The following GLE1 variants were observed in gnomAD, a reference collection of about 807,000 sequenced individuals.
The protein encoded by GLE1 is mRNA export factor GLE1.
Under a neutral mutation model 97.3 loss-of-function variants are expected in GLE1, and 78 were observed. The observed-to-expected ratio is 0.80, with a 90% CI of 0.67 to 0.97. The LOEUF (loss-of-function observed/expected upper bound fraction) is 0.97. Among genes scored for constraint, GLE1 ranks in the 50% least tolerant of loss-of-function variants. The pLI, the probability that GLE1 is intolerant of heterozygous loss-of-function variation, is 0.00. For synonymous variants in GLE1, 302 were observed against 313.4 expected (o/e 0.96, Z 0.39); for missense variants, 753 against 857.5 (o/e 0.88, Z 1.52).
At position 128,540,307 on chromosome 9, in the gene GLE1, G is replaced by C; in HGVS notation, c.1997G>C (p.Gly666Ala). Residue 666 changes from glycine to alanine, a missense_variant, in exon 15 of 16, where the codon GGC becomes GCC. Gly to Ala is a moderately conservative substitution (Grantham distance 60). Transcript: ENST00000309971. ...GCTATCACAAGCTCAGGACAGATGG[G>C]CTCCTTCATACGCCTCAAGCAGTTC... ...IEAITSSGQM[G>A]SFIRLKQFLE... 1 of 1,610,498 alleles carries C rather than the reference G, an allele frequency of 6.2e-7. No individual in the cohort carries two copies. Among genetic ancestry groups the C allele is most frequent in the Non-Finnish European group, 8.5e-7 (1 of 1,176,738 alleles).
At chr9:128,508,035 C>A (rs867667742) in intron 1 of GLE1, among the ~76,000 whole-genome samples, 3 of 151,898 alleles carry the variant, frequency 2.0e-5, no homozygotes, top group Non-Finnish European at 2.9e-5. Flanking sequence ...ACAAAATTAG[C>A]CAGGCATGGT....
chr9:128,540,235 A>C (rs751979858), intron 14 of GLE1, 40 bp from the exon 15 acceptor site: 1 of 1,326,414 alleles, frequency 7.5e-7, no homozygotes, highest in Non-Finnish European at 1.1e-6. Flanking sequence ...AGATAGGTGT[A>C]TATCATAGGT....
rs754630031 is a variant in GLE1, at chr9:128,509,101, A to C, written c.321+4A>C. 6 of 1,561,902 alleles carry C rather than the reference A, an allele frequency of 3.8e-6. No homozygotes were observed. The highest frequency in any genetic ancestry group is 5.3e-6 in the Non-Finnish European group (6 of 1,132,310). ...TGCAACACCAAATGGAACCAAGGTA[A>C]GGTTGTGATCAGCTTAAGACAAAAG... On this transcript the variant is annotated splice_donor_region_variant and intron_variant, in intron 2 of 15. Transcript: ENST00000309971.
chr9:128,533,881 A>C lies in GLE1; in HGVS notation c.1576A>C (p.Lys526Gln). 6.2e-7 allele frequency: 1 copy of C among 1,613,232 alleles called. No individual in the cohort carries two copies. Among genetic ancestry groups the C allele is most frequent in the South Asian group, 1.1e-5 (1 of 91,062 alleles). ...VGDLILAHLH[K>Q]KCPYSVPFYP... ...GGACCTCATTCTTGCTCATCTACATAAGAAGTGTCCTTACTCTGTTCCTTT... is the reference window on the plus strand; with the variant it reads ...GGACCTCATTCTTGCTCATCTACATCAGAAGTGTCCTTACTCTGTTCCTTT... The change falls in exon 11 of 16, where the codon AAG (lysine) becomes CAG (glutamine). Residue 526 changes from lysine to glutamine, a missense_variant. By Grantham distance (53) the Lys-to-Gln change is moderately conservative (BLOSUM62 1). Coordinates refer to ENST00000309971, the MANE Select transcript of GLE1 (RefSeq NM_001003722.2).
At chr9:128,510,865 AT>A (rs911997514) in intron 2 of GLE1, among the ~76,000 whole-genome samples, 2 of 136,632 alleles carry the variant, frequency 1.5e-5, no homozygotes, top group African/African-American at 2.7e-5. Flanking sequence ...CATAGAAAGT[AT>A]TTTTTTTCTA....
chr9:128,507,613 C>T (rs1846678044), intron 1 of GLE1, among the ~76,000 whole-genome samples: 1 of 147,782 alleles, frequency 6.8e-6, no homozygotes, highest in South Asian at 2.1e-4. Flanking sequence ...AATAGTCGGG[C>T]GTGGTGGCTC....
At chr9:128,525,053 C>A in intron 6 of GLE1, 139 bp from the exon 7 acceptor site, 1 of 717,282 alleles carries the variant, frequency 1.4e-6, no homozygotes, top group Non-Finnish European at 2.5e-6. Flanking sequence ...TTTAAGAGAA[C>A]AGGGAAAGAA....
intron 11 of GLE1, among the ~76,000 whole-genome samples, chr9:128,534,826 A>C (rs931500023): frequency 1.3e-4 from 20 of 151,340 alleles, no homozygotes; most frequent in African/African-American, 4.6e-4. Flanking sequence ...TCAAGTGATT[A>C]TCCTGCCTCA....
At chr9:128,540,734 C>G (rs890109416) in intron 15 of GLE1, 2 of 359,354 alleles carry the variant, frequency 5.6e-6, no homozygotes, top group Non-Finnish European at 1.0e-5. Flanking sequence ...TTCCAAGTGC[C>G]AAGAGATTGT....
chr9:128,529,845 CG>C (rs1418474881), intron 9 of GLE1, among the ~76,000 whole-genome samples: 1 of 151,486 alleles, frequency 6.6e-6, no homozygotes, highest in East Asian at 1.9e-4. Flanking sequence ...GGCACTATAT[CG>C]GCTCAGTGCA....
chr9:128,505,505 C>G (rs117607046), intron 1 of GLE1, among the ~76,000 whole-genome samples: 6 of 152,270 alleles, frequency 3.9e-5, no homozygotes, highest in African/African-American at 1.4e-4. Context: ...AAGTATTTCC[C>G]TGTCTTTTAT....
chr9:128,532,152 A>G (rs1847533111), intron 9 of GLE1, among the ~76,000 whole-genome samples: 1 of 148,156 alleles, frequency 6.7e-6, no homozygotes, highest in Admixed American at 6.7e-5. Flanking sequence ...ATGCTGTATT[A>G]ATTAAAACAT....
Position 128,527,852 on chromosome 9 carries a change from TACTC to T in GLE1, c.1312+329_1312+332del, listed in dbSNP as rs200413725. On this transcript the variant is annotated intron_variant, in intron 9 of 15. Coordinates refer to ENST00000309971, the MANE Select transcript of GLE1 (RefSeq NM_001003722.2). ...GGTGGCTCTCACCTATAATGCCAGTTACTCAGGAGGCTGAGGCAGGACAATTGCT... is the reference window on the plus strand; with the variant it reads ...GGTGGCTCTCACCTATAATGCCAGTTAGGAGGCTGAGGCAGGACAATTGCT... Among the ~76,000 whole-genome samples, 1,393 of 151,732 alleles carry T rather than the reference TACTC, an allele frequency of 9.2e-3. 65 individuals carry two copies. In the East Asian group the frequency reaches 0.15, roughly 16 times the overall value.
At chr9:128,518,816 C>G (rs1200150939) in intron 3 of GLE1, among the ~76,000 whole-genome samples, 1 of 145,998 alleles carries the variant, frequency 6.8e-6, no homozygotes, top group East Asian at 2.0e-4. Context: ...TGCAGTGAGC[C>G]AAGATTGCAC....
chr9:128,520,382 ATGTGTATATATGTATG>A (rs1564148334), intron 3 of GLE1, among the ~76,000 whole-genome samples: 1 of 148,316 alleles, frequency 6.7e-6, no homozygotes, highest in Non-Finnish European at 1.5e-5. Flanking sequence ...ATATATGTAT[ATGTGTATATATGTATG>A]TGTGTATATA....
At chr9:128,514,567 C>T (rs1445188218) in intron 2 of GLE1, among the ~76,000 whole-genome samples, 6 of 151,762 alleles carry the variant, frequency 4.0e-5, no homozygotes, top group Admixed American at 3.9e-4. Flanking sequence ...CTCAGCCTCC[C>T]GAGTAGCTGG....
intron 9 of GLE1, 151 bp downstream of exon 9, chr9:128,527,676 T>G: frequency 1.4e-6 from 1 of 693,132 alleles, no homozygotes; most frequent in Non-Finnish European, 2.6e-6. Flanking sequence ...ACATCTTGTT[T>G]CCCTGATATA....
chr9:128,530,126 G>A (rs901989096), intron 9 of GLE1, among the ~76,000 whole-genome samples: 5 of 152,036 alleles, frequency 3.3e-5, no homozygotes, highest in South Asian at 2.1e-4. Context: ...AGTTCTTTTC[G>A]TTCTCTCTAC....
At chr9:128,538,690 G>A (rs1847797806) in intron 13 of GLE1, among the ~76,000 whole-genome samples, 1 of 152,166 alleles carries the variant, frequency 6.6e-6, no homozygotes, top group Non-Finnish European at 1.5e-5. Flanking sequence ...CAGCTACCGA[G>A]GAGGCTGAGG....
Sources: gnomAD v4.1 joint callset for allele counts (sites outside exome capture counted in the v4.1 genomes callset) on GRCh38, gnomAD v4.1.1 for gene constraint, MANE v1.5 for transcripts, NCBI Gene and HGNC (gene_info 2026-07-23, HGNC 2026-07-21) for gene names.